CD96: variants seen among roughly 807,000 people sequenced by gnomAD.
The protein encoded by CD96 is T-cell surface protein tactile.
A neutral mutation model predicts 71.3 loss-of-function variants in CD96; 70 were observed. The observed-to-expected ratio is 0.98, with a 90% CI of 0.81 to 1.20. The LOEUF (loss-of-function observed/expected upper bound fraction) is 1.20. Among genes scored for constraint, CD96 ranks in the 50% most tolerant of loss-of-function variants. The pLI, the probability that CD96 is intolerant of heterozygous loss-of-function variation, is 0.00. For missense variants in CD96, 742 were observed against 677.5 expected (o/e 1.10, Z -1.06); for synonymous variants, 248 against 233.0 (o/e 1.06, Z -0.59).
chr3:111,656,284 C>T (rs925812637), downstream of CD96, among the ~76,000 whole-genome samples: 1 of 151,986 alleles, frequency 6.6e-6, no homozygotes, highest in African/African-American at 2.4e-5. Context: ...TAAAAGAAAT[C>T]AAAATTTAAA....
intron 12 of CD96, among the ~76,000 whole-genome samples, chr3:111,638,774 G>A (rs1939456213): frequency 6.6e-6 from 1 of 152,188 alleles, no homozygotes; most frequent in Non-Finnish European, 1.5e-5. Flanking sequence ...TGTGTCAAAG[G>A]TCATACAGTC....
intron 12 of CD96, among the ~76,000 whole-genome samples, chr3:111,639,035 A>G (rs1274201794): frequency 1.3e-5 from 2 of 152,234 alleles, no homozygotes; most frequent in Non-Finnish European, 2.9e-5. Flanking sequence ...ATGAGGGATC[A>G]TGGCAGACAG....
At chr3:111,642,814 A>G (rs903722504) in intron 12 of CD96, among the ~76,000 whole-genome samples, 1 of 152,052 alleles carries the variant, frequency 6.6e-6, no homozygotes, top group Non-Finnish European at 1.5e-5. Flanking sequence ...CTAAAAAAAA[A>G]ATAAATAAAT....
At chr3:111,547,503 A>C (rs1934471772) in intron 2 of CD96, among the ~76,000 whole-genome samples, 2 of 152,190 alleles carry the variant, frequency 1.3e-5, no homozygotes, top group South Asian at 4.1e-4. Context: ...ACTTGGCAAC[A>C]TGGACTGATG....
chr3:111,608,094 GCAGTCACACCGT>G (rs1937714648), intron 8 of CD96, among the ~76,000 whole-genome samples: 1 of 152,166 alleles, frequency 6.6e-6, no homozygotes, highest in South Asian at 2.1e-4. Context: ...TTCATGAGGT[GCAGTCACACCGT>G]TGGCTGAGGC....
downstream of CD96, among the ~76,000 whole-genome samples, chr3:111,654,230 A>G (rs529078844): frequency 6.6e-6 from 1 of 152,310 alleles, no homozygotes; most frequent in East Asian, 1.9e-4. Context: ...GTCCACATTA[A>G]CTGGCAGAAA....
At chr3:111,647,734 A>G in intron 13 of CD96, 68 bp downstream of exon 13, 1 of 1,152,404 alleles carries the variant, frequency 8.7e-7, no homozygotes, top group Middle Eastern at 2.1e-4. Context: ...TCAGTACAAT[A>G]TATTATTACT....
intron 10 of CD96, among the ~76,000 whole-genome samples, chr3:111,625,988 G>A (rs763507086): frequency 4.0e-4 from 61 of 152,236 alleles, no homozygotes; most frequent in South Asian, 1.7e-3. Context: ...TGAAACACAC[G>A]TGGCTAGAAA....
At chr3:111,631,893 A>T (rs1170109212) in intron 10 of CD96, among the ~76,000 whole-genome samples, 1 of 152,224 alleles carries the variant, frequency 6.6e-6, no homozygotes, top group Non-Finnish European at 1.5e-5. Flanking sequence ...TTCCCTATTT[A>T]ATAAATTGTG....
rs750719644 is a variant in CD96 at position 111,647,529 on chromosome 3, T to C, written c.1478-14T>C. On this transcript the variant is annotated splice_polypyrimidine_tract_variant and intron_variant, in intron 12 of 13. Coordinates refer to ENST00000352690, the MANE Select transcript of CD96 (RefSeq NM_005816.5). ...TTTGGGATTAAAGTTCATCTTTCTT[T>C]ATGCCCTTTTCAGGTATTGTGGTCA... The C allele has an allele frequency of 1.9e-6, 3 of 1,611,138 alleles. No individual in the cohort carries two copies. The South Asian group carries it at 3.3e-5, about 18-fold the overall frequency.
intron 5 of CD96, chr3:111,594,019 G>A: frequency 6.2e-7 from 1 of 1,614,186 alleles, no homozygotes; most frequent in Non-Finnish European, 8.5e-7. Flanking sequence ...GAGCTAGGTG[G>A]AAATATTCCC....
At position 111,579,115 on chromosome 3, in the gene CD96, C is replaced by G. The variant is rs749463867; in HGVS notation, c.632C>G (p.Thr211Arg). The G allele has an allele frequency of 1.3e-6, 2 of 1,592,554 alleles. No homozygotes were observed. Among genetic ancestry groups the G allele is most frequent in the Non-Finnish European group, 1.7e-6 (2 of 1,160,268 alleles). The change falls in exon 4 of 14, where the codon ACA becomes AGA. Residue 211 changes from threonine (T) to arginine (R), a missense_variant. Physicochemically the swap from Thr to Arg is moderately conservative, Grantham distance 71 (BLOSUM62 -1). Coordinates refer to ENST00000352690, the MANE Select transcript of CD96 (RefSeq NM_005816.5). ...TLLKDRVKLG[T>R]DYRLHLSPVQ... ...CTTAAAGATAGAGTCAAGCTTGGTACAGACTACAGACTCCACCTCTCTCCA... is the reference window on the plus strand; with the variant it reads ...CTTAAAGATAGAGTCAAGCTTGGTAGAGACTACAGACTCCACCTCTCTCCA...
intron 7 of CD96, among the ~76,000 whole-genome samples, chr3:111,603,306 T>C (rs1345560561): frequency 6.6e-6 from 1 of 152,008 alleles, no homozygotes; most frequent in Non-Finnish European, 1.5e-5. Flanking sequence ...CAGCCGGGCA[T>C]GGTGGCGCAC....
intron 14 of CD96, among the ~76,000 whole-genome samples, chr3:111,657,548 G>T (rs954227541): frequency 6.6e-6 from 1 of 151,794 alleles, no homozygotes. Context: ...AATCTGGAAG[G>T]CTTGGTAGTA....
intron 2 of CD96, among the ~76,000 whole-genome samples, chr3:111,557,038 T>A (rs1333402022): frequency 8.3e-6 from 1 of 120,802 alleles, no homozygotes; most frequent in Non-Finnish European, 1.6e-5. Context: ...CTTCGCACAC[T>A]TTTTGATGGG....
At position 111,606,810 on chromosome 3, in the gene CD96, C is replaced by T. The variant is rs1937641881; in HGVS notation, c.1180+18C>T. On this transcript the variant is annotated intron_variant, in intron 8 of 13. Transcript: ENST00000352690. ...TCCTGCAAGTAAGAATGTTTTCACA[C>T]TGAGCTATTGATTTAACCAAGCAGA... 1 of 1,343,662 alleles carries T rather than the reference C, an allele frequency of 7.4e-7. No homozygotes were observed. The highest frequency in any genetic ancestry group is 1.2e-5 in the South Asian group (1 of 85,716). 83.2% of individuals were successfully genotyped at this position (1,343,662 alleles called of 1,614,324 possible). A position where few individuals can be genotyped will look rare whatever the true frequency, so the allele number is the denominator to read the frequency against.
At chr3:111,571,185 G>A (rs1559727391) in intron 3 of CD96, 1 of 536,368 alleles carries the variant, frequency 1.9e-6, no homozygotes, top group Non-Finnish European at 3.3e-6. Context: ...CCTGGAGTAA[G>A]AGTTTTTTTG....
rs1020638993 is a variant in CD96, at chr3:111,571,083, A to T, written c.543+3436A>T. Reference sequence around the variant, plus strand: ...GTGGGGTAGGAGGTAGGTCAAGTGGAGACTAAGACCCGGGCATCCCTCTGA... The same window carrying T: ...GTGGGGTAGGAGGTAGGTCAAGTGGTGACTAAGACCCGGGCATCCCTCTGA... On this transcript the variant is annotated intron_variant, in intron 3 of 13. Coordinates refer to ENST00000352690, the MANE Select transcript of CD96 (RefSeq NM_005816.5). 14 of 843,242 alleles carry T rather than the reference A, an allele frequency of 1.7e-5. No homozygotes were observed. In the African/African-American group the frequency reaches 2.3e-4, roughly 14 times the overall value. 52.2% of individuals were successfully genotyped at this position (843,242 alleles called of 1,614,324 possible).
intron 6 of CD96, among the ~76,000 whole-genome samples, chr3:111,600,227 G>T (rs537356829): frequency 6.6e-6 from 1 of 152,244 alleles, no homozygotes; most frequent in African/African-American, 2.4e-5. Context: ...ACACTTCCTC[G>T]CTCAGATCAG....
Sources: gnomAD v4.1 joint callset for allele counts (sites outside exome capture counted in the v4.1 genomes callset) on GRCh38, gnomAD v4.1.1 for gene constraint, MANE v1.5 for transcripts, NCBI Gene and HGNC (gene_info 2026-07-23, HGNC 2026-07-21) for gene names.